The following ESRRG variants were observed in gnomAD, a reference collection of about 807,000 sequenced individuals.
The protein encoded by ESRRG is estrogen-related receptor gamma.
In ESRRG, 13 loss-of-function variants were observed where a neutral mutation model predicts 44.0. The ratio of observed to expected loss-of-function variants is 0.30; its 90% confidence interval spans 0.19 to 0.47. ESRRG has a LOEUF of 0.47. ESRRG is among the 20% of genes least tolerant of loss of function. ESRRG has a pLI of 1.00. For synonymous variants in ESRRG, 215 were observed against 214.6 expected (o/e 1.00, Z -0.02); for missense variants, 395 against 580.6 (o/e 0.68, Z 3.29).
intron 2 of ESRRG, among the ~76,000 whole-genome samples, chr1:216,930,596 G>C (rs754295578): frequency 6.6e-6 from 1 of 152,186 alleles, no homozygotes; most frequent in Non-Finnish European, 1.5e-5. Flanking sequence ...CTGCAAAGAC[G>C]TATAAGACAT....
intron 5 of ESRRG, among the ~76,000 whole-genome samples, chr1:216,537,982 T>C (rs1015229714): frequency 3.9e-5 from 6 of 152,084 alleles, no homozygotes; most frequent in Non-Finnish European, 7.4e-5. Flanking sequence ...TTCTTCACCT[T>C]TGTGTGAAAT....
At chr1:216,844,813 A>G (rs541371743) in intron 2 of ESRRG, among the ~76,000 whole-genome samples, 2 of 152,154 alleles carry the variant, frequency 1.3e-5, no homozygotes, top group Non-Finnish European at 2.9e-5. Flanking sequence ...AATTAGTAAT[A>G]TATGCACCAC....
In ESRRG at chr1:216,991,275, A is replaced by C. The variant is rs114006414; in HGVS notation, c.-105-51602T>G. Among the ~76,000 whole-genome samples, 786 of 152,296 alleles carry C rather than the reference A, an allele frequency of 5.2e-3. 5 individuals are homozygous for C. The highest frequency in any genetic ancestry group is 0.017 in the Middle Eastern group (5 of 294). On this transcript the variant is annotated intron_variant, in intron 1 of 7. Transcript: ENST00000359162. Reference sequence around the variant, plus strand: ...GTTGGGGACTGTTGCTATAAAGAGCACTAATACTGTACCATTGAAACCAAC... The same window carrying C: ...GTTGGGGACTGTTGCTATAAAGAGCCCTAATACTGTACCATTGAAACCAAC...
At chr1:217,082,981 A>T (rs761292539) in intron 1 of ESRRG, among the ~76,000 whole-genome samples, 2 of 152,316 alleles carry the variant, frequency 1.3e-5, no homozygotes, top group African/African-American at 4.8e-5. Context: ...ACTTCCTGTT[A>T]TATGTGCTTT....
intron 1 of ESRRG, among the ~76,000 whole-genome samples, chr1:216,679,376 C>T (rs532898983): frequency 1.7e-4 from 26 of 152,238 alleles, no homozygotes; most frequent in Non-Finnish European, 3.2e-4. Context: ...GAAAGCGGGT[C>T]GGCACTGACT....
At chr1:217,015,978 C>T (rs945109164) in intron 1 of ESRRG, among the ~76,000 whole-genome samples, 7 of 151,764 alleles carry the variant, frequency 4.6e-5, no homozygotes, top group African/African-American at 7.3e-5. Context: ...TGATCGAGGG[C>T]GGCTAGATTT....
chr1:217,036,476 T>C (rs1579873926), intron 1 of ESRRG, among the ~76,000 whole-genome samples: 1 of 152,212 alleles, frequency 6.6e-6, no homozygotes, highest in African/African-American at 2.4e-5. Context: ...TGGAACACTA[T>C]GCAGCCATAA....
intron 1 of ESRRG, among the ~76,000 whole-genome samples, chr1:217,071,039 CTTCTCCTCATT>C (rs1482960118): frequency 2.6e-5 from 4 of 152,140 alleles, no homozygotes; most frequent in Admixed American, 6.6e-5. Context: ...CCTCCTCTTT[CTTCTCCTCATT>C]GTCCCATTAT....
chr1:216,774,262 G>T (rs1423665862), intron 2 of ESRRG, among the ~76,000 whole-genome samples: 1 of 152,096 alleles, frequency 6.6e-6, no homozygotes, highest in Non-Finnish European at 1.5e-5. Flanking sequence ...GGAAGCCTGA[G>T]AAATCATTTA....
chr1:216,698,971 A>C (rs2080847316), intron 1 of ESRRG, among the ~76,000 whole-genome samples: 1 of 152,190 alleles, frequency 6.6e-6, no homozygotes, highest in Admixed American at 6.5e-5. Context: ...ATGCTGACTG[A>C]TGTTGTGAAC....
At chr1:216,656,552 A>AT (rs1415730495) in intron 2 of ESRRG, among the ~76,000 whole-genome samples, 2 of 152,180 alleles carry the variant, frequency 1.3e-5, no homozygotes, top group Admixed American at 1.3e-4. Context: ...AACAGGGTGT[A>AT]TGTAAAACTC....
chr1:216,740,279 A>T lies in ESRRG; in HGVS notation c.-13-62788T>A, dbSNP rs114310589. 3.0e-3 allele frequency among the ~76,000 whole-genome samples: 458 copies of T among 152,326 alleles called. 2 individuals carry two copies. The highest frequency in any genetic ancestry group is 0.011 in the African/African-American group (439 of 41,584). On this transcript the variant is annotated intron_variant, in intron 2 of 7. Transcript: ENST00000359162. Reference sequence around the variant, plus strand: ...GTTCCCAATTTAGTCTGGGCAGTTCATGCAGCTCTTGATAAGGGAGTTAAA... The same window carrying T: ...GTTCCCAATTTAGTCTGGGCAGTTCTTGCAGCTCTTGATAAGGGAGTTAAA...
chr1:216,922,794 C>T (rs2062002419), intron 2 of ESRRG, among the ~76,000 whole-genome samples: 1 of 152,134 alleles, frequency 6.6e-6, no homozygotes, highest in African/African-American at 2.4e-5. Flanking sequence ...TTTAGTGTTT[C>T]CTGTGGGTTT....
intron 2 of ESRRG, among the ~76,000 whole-genome samples, chr1:216,935,460 T>A (rs982280201): frequency 1.3e-5 from 2 of 152,132 alleles, no homozygotes; most frequent in Admixed American, 6.5e-5. Flanking sequence ...AGAATACAGA[T>A]GAACAGCCAG....
intron 2 of ESRRG, among the ~76,000 whole-genome samples, chr1:216,666,992 G>C (rs1442845100): frequency 6.6e-6 from 1 of 152,162 alleles, no homozygotes; most frequent in Non-Finnish European, 1.5e-5. Context: ...TTCCATAAGA[G>C]AATGATTGAA....
At chr1:217,078,563 A>G (rs2091501895) in intron 1 of ESRRG, among the ~76,000 whole-genome samples, 1 of 152,158 alleles carries the variant, frequency 6.6e-6, no homozygotes, top group South Asian at 2.1e-4. Context: ...GTTTCATCTC[A>G]GGTATGTTAG....
intron 2 of ESRRG, among the ~76,000 whole-genome samples, chr1:216,793,006 T>G (rs980805040): frequency 1.3e-5 from 2 of 152,174 alleles, no homozygotes; most frequent in South Asian, 4.1e-4. Context: ...ACAGTTAGAA[T>G]TCAGAATTTC....
At chr1:217,119,538 A>C (rs2092790616) in intron 1 of ESRRG, among the ~76,000 whole-genome samples, 1 of 152,216 alleles carries the variant, frequency 6.6e-6, no homozygotes, top group African/African-American at 2.4e-5. Context: ...TTTTGTATCC[A>C]CAATCCCTTT....
chr1:217,094,255 T>C (rs539864217), upstream of ESRRG, among the ~76,000 whole-genome samples: 17 of 152,338 alleles, frequency 1.1e-4, no homozygotes, highest in African/African-American at 4.1e-4. Flanking sequence ...TATTAGTCAT[T>C]ATTCATGTGT....
Sources: gnomAD v4.1 joint callset for allele counts (sites outside exome capture counted in the v4.1 genomes callset) on GRCh38, gnomAD v4.1.1 for gene constraint, MANE v1.5 for transcripts, NCBI Gene and HGNC (gene_info 2026-07-23, HGNC 2026-07-21) for gene names.